Variants in TEX15 observed in about 807,000 individuals in gnomAD.
The protein encoded by TEX15 is testis expressed 15, meiosis and synapsis associated.
A neutral mutation model predicts 237.3 loss-of-function variants in TEX15; 171 were observed. That is an observed-to-expected ratio of 0.72 (90% CI 0.64 to 0.82). TEX15 has a LOEUF of 0.82. Ranked by LOEUF, TEX15 falls within the 40% of genes least tolerant of loss-of-function variation. TEX15 has a pLI of 0.00. For synonymous variants in TEX15, 1,338 were observed against 1,269.8 expected (o/e 1.05, Z -1.14); for missense variants, 3,750 against 3,646.5 (o/e 1.03, Z -0.73).
intron 5 of TEX15, 54 bp from the exon 6 acceptor site, chr8:30,860,111 TA>T (rs1233129258): frequency 7.5e-7 from 1 of 1,337,034 alleles, no homozygotes. Context: ...AAAACGTTTC[TA>T]AACTGTCACA....
intron 8 of TEX15, among the ~76,000 whole-genome samples, chr8:30,841,200 G>A (rs774276390): frequency 4.6e-5 from 7 of 152,192 alleles, no homozygotes; most frequent in Admixed American, 1.3e-4. Flanking sequence ...GATTACAGGC[G>A]TGAGCTATCG....
intron 2 of TEX15, chr8:30,888,845 G>C (rs1442889315): frequency 3.0e-6 from 1 of 328,050 alleles, no homozygotes; most frequent in East Asian, 8.2e-5. Flanking sequence ...CATGGATCAG[G>C]GAATGAAAAA....
At chr8:30,860,666 C>T (rs577678242) in intron 5 of TEX15, among the ~76,000 whole-genome samples, 14 of 150,412 alleles carry the variant, frequency 9.3e-5, no homozygotes, top group Middle Eastern at 6.9e-3. Context: ...TTGGGCTCCA[C>T]GATTCTCCTG....
Position 30,887,252 on chromosome 8 carries a change from T to C in TEX15, c.51A>G (p.Ser17=). ...AKQDTLWQMS[S]TSKPVLNTRE... is the part of the protein sequence containing the mutation. ...GAGTATTCAACACGGGTTTGCTAGT[T>C]GAGCTCATTTGCCACAGTGTATCCT... Residue 17 remains serine (S), a synonymous_variant, in exon 3 of 11, where the codon TCA becomes TCG. Transcript: ENST00000643185. 6.5e-7 allele frequency: 1 copy of C among 1,536,016 alleles called. No individual in the cohort carries two copies. Among genetic ancestry groups the C allele is most frequent in the Non-Finnish European group, 8.7e-7 (1 of 1,146,848 alleles).
At chr8:30,904,305 G>A (rs1809057110) in intron 1 of TEX15, among the ~76,000 whole-genome samples, 2 of 152,082 alleles carry the variant, frequency 1.3e-5, no homozygotes, top group African/African-American at 4.8e-5. Context: ...AAACTAGCCG[G>A]GTGTGGTGGT....
chr8:30,847,441 T>C lies in TEX15; in HGVS notation c.2726A>G (p.Asn909Ser), dbSNP rs1585285390. The C allele has an allele frequency of 1.2e-6, 2 of 1,611,034 alleles. No individual in the cohort carries two copies. Among genetic ancestry groups the C allele is most frequent in the African/African-American group, 1.3e-5 (1 of 74,808 alleles). ...IDEKEDKNYH[N>S]IEILSSEEFS... is the part of the protein sequence containing the mutation. Reference sequence around the variant, plus strand: ...TTCTTCAGAACTCAAAATTTCTATATTGTGGTAATTTTTGTCCTCCTTTTC... The same window carrying C: ...TTCTTCAGAACTCAAAATTTCTATACTGTGGTAATTTTTGTCCTCCTTTTC... The change falls in exon 8 of 11, where the codon AAT becomes AGT. Residue 909 changes from asparagine to serine, a missense_variant. Coordinates refer to ENST00000643185, the MANE Select transcript of TEX15 (RefSeq NM_001350162.2).
chr8:30,868,521 GT>G (rs1219349129), intron 4 of TEX15, among the ~76,000 whole-genome samples: 1 of 152,038 alleles, frequency 6.6e-6, no homozygotes, highest in East Asian at 1.9e-4. Context: ...TATAGAATGT[GT>G]TTGAAGTATA....
chr8:30,836,785 T>C lies in TEX15; in HGVS notation c.9481+18A>G. On this transcript the variant is annotated intron_variant, in intron 10 of 10. Coordinates refer to ENST00000643185, the MANE Select transcript of TEX15 (RefSeq NM_001350162.2). ...AAGTAACAACTCAATAAAGCAGGCA[T>C]TAAAATGTGAAACTCACCATAAACC... 6.4e-7 allele frequency: 1 copy of C among 1,565,118 alleles called. No individual in the cohort carries two copies.
In TEX15 at chr8:30,848,453, A is replaced by G; in HGVS notation, c.1714T>C (p.Tyr572His). The G allele has an allele frequency of 6.2e-7, 1 of 1,614,110 alleles. No individual in the cohort carries two copies. Among genetic ancestry groups the G allele is most frequent in the Non-Finnish European group, 8.5e-7 (1 of 1,179,998 alleles). The change falls in exon 8 of 11, where the codon TAT becomes CAT. Residue 572 changes from tyrosine to histidine, a missense_variant. By Grantham distance (83) the Tyr-to-His change is moderately conservative. Coordinates refer to ENST00000643185, the MANE Select transcript of TEX15 (RefSeq NM_001350162.2). ...ATGTGACTACTGTACTCTTTTGTAT[A>G]AGCATTACCGGACTCCTGTTGGGCT... is the stretch of plus-strand genomic sequence containing the variant. ...QRAQQESGNA[Y>H]TKEYSSHIFQ...
chr8:30,836,667 A>G (rs1402363156), intron 10 of TEX15, 136 bp downstream of exon 10: 2 of 813,092 alleles, frequency 2.5e-6, no homozygotes, highest in Non-Finnish European at 3.8e-6. Flanking sequence ...ATCCATTGGC[A>G]ATTCTACAAA....
At position 30,845,445 on chromosome 8, in the gene TEX15, A is replaced by T. The variant is rs199572874; in HGVS notation, c.4722T>A (p.Ile1574=). Residue 1574 remains isoleucine, a synonymous_variant, in exon 8 of 11, where the codon ATT becomes ATA. Coordinates refer to ENST00000643185, the MANE Select transcript of TEX15 (RefSeq NM_001350162.2). ...DEKLIEKENQ[I]DTAFLSSTSK... is the part of the protein sequence containing the mutation. ...TAGTGCTAGATAAAAATGCTGTATC[A>T]ATTTGATTTTCTTTTTCTATTAGTT... The T allele has an allele frequency of 6.8e-6, 11 of 1,612,806 alleles. No individual in the cohort carries two copies. The East Asian group carries it at 2.5e-4, about 36-fold the overall frequency.
At position 30,842,144 on chromosome 8, in the gene TEX15, T is replaced by C. The variant is rs191601589; in HGVS notation, c.8023A>G (p.Thr2675Ala). ...CACTCTGATACTGGGGGCAACATCG[T>C]AGAAATACTAAATTTATTGTTATTT... ...GENNNKFSISTMLPPVSECIN... is the reference protein window; with the variant it reads ...GENNNKFSISAMLPPVSECIN... The change falls in exon 8 of 11, where the codon ACG (threonine) becomes GCG (alanine). Residue 2675 changes from threonine (T) to alanine (A), a missense_variant. By Grantham distance (58) the Thr-to-Ala change is moderately conservative (BLOSUM62 0). Coordinates refer to ENST00000643185, the MANE Select transcript of TEX15 (RefSeq NM_001350162.2). 141 of 1,613,118 alleles carry C rather than the reference T, an allele frequency of 8.7e-5. 1 individual carries two copies. The East Asian group carries it at 2.8e-3, about 32-fold the overall frequency.
chr8:30,859,985 TA>T lies in TEX15; in HGVS notation c.612del (p.Asn205ThrfsTer13). The T allele has an allele frequency of 6.6e-7, 1 of 1,519,750 alleles. No individual in the cohort carries two copies. The highest frequency in any genetic ancestry group is 8.8e-7 in the Non-Finnish European group (1 of 1,141,186). 94.1% of individuals were successfully genotyped at this position (1,519,750 alleles called of 1,614,324 possible). On this transcript the variant is annotated frameshift_variant, in exon 6 of 11. Transcript: ENST00000643185. LOFTEE classifies it high-confidence loss of function. ...DKNKVSLDPSPNFDCHMSRNA... is the reference protein window; with the variant it reads ...DKNKVSLDPSXNFDCHMSRNA... ...TTTCTTGACATATGGCAATCAAAGT[TA>T]GGAGAAGGATCCAAAGAAACTTTAT... is the stretch of plus-strand genomic sequence containing the variant.
At chr8:30,887,919 T>C (rs1229515079) in intron 2 of TEX15, 1 of 132,500 alleles carries the variant, frequency 7.5e-6, no homozygotes, top group African/African-American at 2.8e-5. Flanking sequence ...TATATATATA[T>C]ATATATATAT....
At position 30,848,705 on chromosome 8, in the gene TEX15, C is replaced by T. The variant is rs1471954589; in HGVS notation, c.1462G>A (p.Ala488Thr). The T allele has an allele frequency of 6.2e-7, 1 of 1,614,162 alleles. No homozygotes were observed. Among genetic ancestry groups the T allele is most frequent in the East Asian group, 2.2e-5 (1 of 44,878 alleles). Reference sequence around the variant, plus strand: ...GTATCCAAACCATTAGTAAGAACAGCACAATCACCAGGGACAACTTCTGAG... The same window carrying T: ...GTATCCAAACCATTAGTAAGAACAGTACAATCACCAGGGACAACTTCTGAG... ...SSSEVVPGDC[A>T]VLTNGLDTPC... Residue 488 changes from alanine (A) to threonine (T), a missense_variant, in exon 8 of 11, where the codon GCT becomes ACT. Physicochemically the swap from Ala to Thr is moderately conservative, Grantham distance 58. Transcript: ENST00000643185.
Position 30,847,755 on chromosome 8 carries a change from T to C in TEX15, c.2412A>G (p.Ile804Met), listed in dbSNP as rs756791664. The C allele has an allele frequency of 1.2e-5, 20 of 1,613,750 alleles. No homozygotes were observed. Among genetic ancestry groups the C allele is most frequent in the Middle Eastern group, 1.7e-4 (1 of 6,060 alleles). Reference protein sequence around the residue: ...SSNCSITREHICVHRKNENEP... With the variant: ...SSNCSITREHMCVHRKNENEP... ...CATTTTCATTTTTCCTATGGACACA[T>C]ATATGTTCTCTAGTTATGCTGCAAT... The change falls in exon 8 of 11, where the codon ATA (isoleucine) becomes ATG (methionine). Residue 804 changes from isoleucine to methionine, a missense_variant. Ile to Met is a conservative substitution (Grantham distance 10, BLOSUM62 1). Transcript: ENST00000643185.
In TEX15 at chr8:30,891,878, C is replaced by T. The variant is rs141460103; in HGVS notation, c.-9-4567G>A. ...CTGATTTTCTATCAGTTTGTTTATT[C>T]TATGTATTTGCAAGAAATCTTTATA... On this transcript the variant is annotated intron_variant, in intron 2 of 10. Transcript: ENST00000643185. Among the ~76,000 whole-genome samples, 719 of 152,244 alleles carry T rather than the reference C, an allele frequency of 4.7e-3. 9 individuals are homozygous for T. The highest frequency in any genetic ancestry group is 0.017 in the African/African-American group (703 of 41,562).
intron 4 of TEX15, among the ~76,000 whole-genome samples, chr8:30,872,177 A>T (rs1437085339): frequency 6.6e-6 from 1 of 152,082 alleles, no homozygotes; most frequent in Non-Finnish European, 1.5e-5. Flanking sequence ...TCAACTTGAA[A>T]CTATCAATTT....
chr8:30,904,291 A>T (rs1314514902), intron 1 of TEX15, among the ~76,000 whole-genome samples: 1 of 152,104 alleles, frequency 6.6e-6, no homozygotes, highest in Non-Finnish European at 1.5e-5. Context: ...TACCAAAAAT[A>T]TAAAAACTAG....
Sources: gnomAD v4.1 joint callset for allele counts (sites outside exome capture counted in the v4.1 genomes callset) on GRCh38, gnomAD v4.1.1 for gene constraint, MANE v1.5 for transcripts, NCBI Gene and HGNC (gene_info 2026-07-23, HGNC 2026-07-21) for gene names.